The following PIKFYVE variants were observed in gnomAD, a reference collection of about 807,000 sequenced individuals.
PIKFYVE encodes 1-phosphatidylinositol 3-phosphate 5-kinase.
PIKFYVE carries 122 observed loss-of-function variants against 257.9 expected under a neutral mutation model. The observed-to-expected ratio is 0.47, with a 90% CI of 0.41 to 0.55. PIKFYVE has a LOEUF of 0.55. PIKFYVE is among the 20% of genes least tolerant of loss of function. PIKFYVE has a pLI of 0.00. For missense variants in PIKFYVE, 2,160 were observed against 2,536.6 expected (o/e 0.85, Z 3.19); for synonymous variants, 892 against 868.9 (o/e 1.03, Z -0.47).
At chr2:208,283,826 C>T (rs765220904) in intron 5 of PIKFYVE, among the ~76,000 whole-genome samples, 18 of 152,306 alleles carry the variant, frequency 1.2e-4, no homozygotes, top group African/African-American at 3.4e-4. Flanking sequence ...TCAAGCAGTC[C>T]GCCTGCCTTG....
At chr2:208,271,440 G>C in intron 1 of PIKFYVE, 71 bp from the exon 2 acceptor site, 3 of 1,393,556 alleles carry the variant, frequency 2.2e-6, no homozygotes, top group Non-Finnish European at 3.1e-6. Flanking sequence ...TGGATATTTC[G>C]ATGCTGTTTG....
At position 208,333,408 on chromosome 2, in the gene PIKFYVE, A is replaced by G. The variant is rs1697780633; in HGVS notation, c.4057A>G (p.Arg1353Gly). 1 of 1,614,148 alleles carries G rather than the reference A, an allele frequency of 6.2e-7. No individual in the cohort carries two copies. Among genetic ancestry groups the G allele is most frequent in the Non-Finnish European group, 8.5e-7 (1 of 1,180,002 alleles). ...LRFYGHQYTR[R>G]ANAEPCGHSI... ...GTTTTATGGGCACCAGTATACTCGCAGAGCCAACGCTGAGCCCTGTGGTCA... is the reference window on the plus strand; with the variant it reads ...GTTTTATGGGCACCAGTATACTCGCGGAGCCAACGCTGAGCCCTGTGGTCA... Residue 1353 changes from arginine to glycine, a missense_variant, in exon 24 of 42, where the codon AGA (arginine) becomes GGA (glycine). Arg to Gly is a moderately radical substitution (Grantham distance 125, BLOSUM62 -2). Transcript: ENST00000264380.
intron 21 of PIKFYVE, among the ~76,000 whole-genome samples, chr2:208,328,954 A>G (rs937604412): frequency 2.0e-5 from 3 of 152,212 alleles, no homozygotes; most frequent in African/African-American, 7.2e-5. Context: ...TAGCATGTAC[A>G]ATTTAGGCAG....
chr2:208,317,910 T>C lies in PIKFYVE; in HGVS notation c.2051T>C (p.Phe684Ser). The C allele has an allele frequency of 1.2e-6, 2 of 1,614,064 alleles. No individual in the cohort carries two copies. The highest frequency in any genetic ancestry group is 1.7e-6 in the Non-Finnish European group (2 of 1,179,896). Reference sequence around the variant, plus strand: ...TTTGATTCTGTGGTTGTCAATGGCTTTGTTTGTACCAAGAACATTGCACAT... The same window carrying C: ...TTTGATTCTGTGGTTGTCAATGGCTCTGTTTGTACCAAGAACATTGCACAT... Reference protein sequence around the residue: ...KKFDSVVVNGFVCTKNIAHKK... With the variant: ...KKFDSVVVNGSVCTKNIAHKK... Residue 684 changes from phenylalanine to serine, a missense_variant, in exon 16 of 42, where the codon TTT becomes TCT. Coordinates refer to ENST00000264380, the MANE Select transcript of PIKFYVE (RefSeq NM_015040.4).
intron 32 of PIKFYVE, among the ~76,000 whole-genome samples, chr2:208,343,231 A>G (rs1698890333): frequency 6.6e-6 from 1 of 152,198 alleles, no homozygotes; most frequent in Non-Finnish European, 1.5e-5. Flanking sequence ...CCATTCTGTT[A>G]AAATATGTTT....
chr2:208,352,691 G>T lies in PIKFYVE; in HGVS notation c.5753G>T (p.Arg1918Ile). 6.2e-7 allele frequency: 1 copy of T among 1,613,772 alleles called. No individual in the cohort carries two copies. The highest frequency in any genetic ancestry group is 1.1e-5 in the South Asian group (1 of 91,020). Residue 1918 changes from arginine (R) to isoleucine (I), a missense_variant, in exon 39 of 42, where the codon AGA becomes ATA. Physicochemically the swap from Arg to Ile is moderately conservative, Grantham distance 97. Around this residue, in one of 12 missense-constraint regions of PIKFYVE, gnomAD observed 699 missense variants for 855.8 expected, o/e 0.82. Coordinates refer to ENST00000264380, the MANE Select transcript of PIKFYVE (RefSeq NM_015040.4). ...TALAKILGVY[R>I]IGYKNSQNNT... ...TTGGCCAAAATTCTTGGAGTTTACAGAATTGGTTATAAGAACTCTCAGAAC... is the reference window on the plus strand; with the variant it reads ...TTGGCCAAAATTCTTGGAGTTTACATAATTGGTTATAAGAACTCTCAGAAC...
chr2:208,322,742 A>T (rs1574625441), intron 17 of PIKFYVE, among the ~76,000 whole-genome samples: 1 of 151,690 alleles, frequency 6.6e-6, no homozygotes, highest in African/African-American at 2.4e-5. Flanking sequence ...ACATGTGCAC[A>T]ATGTGCAGGT....
In PIKFYVE at chr2:208,314,376, G is replaced by A; in HGVS notation, c.1779G>A (p.Glu593=). 6.2e-7 allele frequency: 1 copy of A among 1,614,028 alleles called. No individual in the cohort carries two copies. Among genetic ancestry groups the A allele is most frequent in the Non-Finnish European group, 8.5e-7 (1 of 1,179,922 alleles). ...TGGGCTGGCATCATAACAACCTGGA[G>A]CTCCTGAGGGAGGAGAATGGGGAGA... ...TPLGWHHNNL[E]LLREENGEKQ... The change falls in exon 14 of 42, where the codon GAG becomes GAA. Residue 593 remains glutamate, a synonymous_variant. Transcript: ENST00000264380.
In PIKFYVE at chr2:208,317,908, C is replaced by T. The variant is rs760500756; in HGVS notation, c.2049C>T (p.Gly683=). The part of the protein sequence containing the change: ...GKKFDSVVVN[G]FVCTKNIAHK... ...AGTTTGATTCTGTGGTTGTCAATGG[C>T]TTTGTTTGTACCAAGAACATTGCAC... The change falls in exon 16 of 42, where the codon GGC becomes GGT. Residue 683 remains glycine (G), a synonymous_variant. Transcript: ENST00000264380. The T allele has an allele frequency of 8.1e-6, 13 of 1,613,862 alleles. No homozygotes were observed. Among genetic ancestry groups the T allele is most frequent in the Non-Finnish European group, 1.1e-5 (13 of 1,179,884 alleles).
At chr2:208,326,506 TCA>T in intron 20 of PIKFYVE, 77 bp downstream of exon 20, 1 of 1,486,184 alleles carries the variant, frequency 6.7e-7, no homozygotes, top group Non-Finnish European at 9.3e-7. Context: ...GCTAAAAAAA[TCA>T]GTTTGGCAGA....
rs181186594 is a variant in PIKFYVE, at chr2:208,350,807, T to G, written c.5471T>G (p.Leu1824Arg). 1 of 1,614,214 alleles carries G rather than the reference T, an allele frequency of 6.2e-7. No individual in the cohort carries two copies. The highest frequency in any genetic ancestry group is 2.2e-5 in the East Asian group (1 of 44,886). The part of the protein sequence containing the change: ...SDANAKFYCR[L>R]YYAGEFHKMR... ...GCTAATGCCAAGTTTTACTGTCGGCTCTACTATGCGGGAGAGTTTCATAAG... is the reference window on the plus strand; with the variant it reads ...GCTAATGCCAAGTTTTACTGTCGGCGCTACTATGCGGGAGAGTTTCATAAG... Residue 1824 changes from leucine to arginine, a missense_variant, in exon 37 of 42, where the codon CTC becomes CGC. Around this residue, in one of 12 missense-constraint regions of PIKFYVE, gnomAD observed 699 missense variants for 855.8 expected, o/e 0.82. Transcript: ENST00000264380.
Position 208,335,891 on chromosome 2 carries a change from C to T in PIKFYVE, c.4355C>T (p.Ala1452Val). The T allele has an allele frequency of 6.2e-7, 1 of 1,607,160 alleles. No homozygotes were observed. The highest frequency in any genetic ancestry group is 1.1e-5 in the South Asian group (1 of 90,554). The change falls in exon 26 of 42, where the codon GCA becomes GTA. Residue 1452 changes from alanine to valine, a missense_variant. By Grantham distance (64) the Ala-to-Val change is moderately conservative. This residue lies in a region of PIKFYVE where 699 missense variants were observed against 855.8 expected (regional missense o/e 0.82). Transcript: ENST00000264380. ...TREEKMEDIF[A>V]QKEMEEGEFK... ...GAGGAAAAAATGGAAGATATTTTTG[C>T]ACAGAAAGAGGTAATTTATTTCTTT...
At chr2:208,354,458 C>A in intron 40 of PIKFYVE, 113 bp from the exon 41 acceptor site, 1 of 1,023,372 alleles carries the variant, frequency 9.8e-7, no homozygotes, top group South Asian at 1.3e-5. Context: ...ACATTGTTAG[C>A]ACTCAATAAA....
Position 208,318,073 on chromosome 2 carries a change from GA to G in PIKFYVE, c.2082+135del, listed in dbSNP as rs1695760782. 9 of 954,942 alleles carry G rather than the reference GA, an allele frequency of 9.4e-6. No individual in the cohort carries two copies. The Admixed American group carries it at 1.6e-4, about 17-fold the overall frequency. The allele number at this position is 954,942 out of a possible 1,614,324, so 59.2% of individuals were successfully genotyped here. A position where few individuals can be genotyped will look rare whatever the true frequency, so the allele number is the denominator to read the frequency against. ...AGGCAGCTGTGTCTGCCATAGGGGT[GA>G]AATTTGGTTGGTTCAGGGAAGATTT... On this transcript the variant is annotated intron_variant, in intron 16 of 41. Transcript: ENST00000264380.
Position 208,326,575 on chromosome 2 carries a change from A to C in PIKFYVE, c.3618+146A>C, listed in dbSNP as rs1696947674. The C allele has an allele frequency of 1.8e-5, 16 of 895,426 alleles. No individual in the cohort carries two copies. The South Asian group carries it at 2.3e-4, about 13-fold the overall frequency. 55.5% of individuals were successfully genotyped at this position (895,426 alleles called of 1,614,324 possible). ...CTATGCTATTTTTGTTTTTGTCTTG[A>C]GTCTGCTGGCTTATGTGTTACTTTA... On this transcript the variant is annotated intron_variant, in intron 20 of 41. Coordinates refer to ENST00000264380, the MANE Select transcript of PIKFYVE (RefSeq NM_015040.4).
chr2:208,330,114 A>G (rs959667666), intron 22 of PIKFYVE, among the ~76,000 whole-genome samples: 4 of 152,178 alleles, frequency 2.6e-5, no homozygotes, highest in African/African-American at 7.2e-5. Context: ...CATCCCTCAT[A>G]TCTCTGCCCA....
At chr2:208,278,859 T>C (rs2125073001) in intron 5 of PIKFYVE, among the ~76,000 whole-genome samples, 1 of 152,328 alleles carries the variant, frequency 6.6e-6, no homozygotes, top group African/African-American at 2.4e-5. Flanking sequence ...AGTGTTACAA[T>C]GAACATACGA....
chr2:208,305,400 A>G (rs1694200346), intron 12 of PIKFYVE: 7 of 1,091,058 alleles, frequency 6.4e-6, no homozygotes, highest in Non-Finnish European at 7.9e-6. Flanking sequence ...GCCGTTACCC[A>G]GTAACATAAT....
At chr2:208,305,142 T>C (rs1460861116) in intron 12 of PIKFYVE, 129 bp downstream of exon 12, 3 of 1,546,682 alleles carry the variant, frequency 1.9e-6, no homozygotes, top group Non-Finnish European at 1.7e-6. Context: ...GGTTTTGTTC[T>C]ACCCTTTCTC....
Sources: allele counts gnomAD v4.1 joint callset (sites outside exome capture counted in the v4.1 genomes callset), GRCh38; gene constraint gnomAD v4.1.1; regional missense constraint gnomAD v4.1.1; transcripts MANE v1.5; gene names NCBI Gene and HGNC (gene_info 2026-07-23, HGNC 2026-07-21).